DENND2B: variants seen among roughly 807,000 people sequenced by gnomAD.
DENND2B encodes the protein DENN domain containing 2B.
DENND2B carries 32 observed loss-of-function variants against 116.0 expected under a neutral mutation model. That is an observed-to-expected ratio of 0.28 (90% CI 0.21 to 0.37). DENND2B has a LOEUF of 0.37. DENND2B is among the 10% of genes least tolerant of loss of function. DENND2B has a pLI of 1.00. For synonymous variants in DENND2B, 588 were observed against 583.9 expected (o/e 1.01, Z -0.10); for missense variants, 1,276 against 1,477.7 (o/e 0.86, Z 2.24).
At chr11:8,776,233 G>A (rs901197429) in intron 1 of DENND2B, 2 of 455,558 alleles carry the variant, frequency 4.4e-6, no homozygotes, top group Non-Finnish European at 4.4e-6. Flanking sequence ...ACATGTCCAC[G>A]TGTCCATTTC....
At chr11:8,762,319 C>A (rs1384167749) in intron 1 of DENND2B, among the ~76,000 whole-genome samples, 5 of 152,150 alleles carry the variant, frequency 3.3e-5, no homozygotes, top group African/African-American at 1.2e-4. Context: ...GTGTTCCTAC[C>A]CCAGGGCCTT....
At chr11:8,809,458 T>G (rs889992330) in intron 1 of DENND2B, 2 of 152,086 alleles carry the variant, frequency 1.3e-5, no homozygotes, top group Non-Finnish European at 2.9e-5. Flanking sequence ...ATTTAAGACA[T>G]AACATGGCTC....
chr11:8,785,153 T>A (rs1355759303), intron 1 of DENND2B: 1 of 152,154 alleles, frequency 6.6e-6, no homozygotes, highest in Non-Finnish European at 1.5e-5. Flanking sequence ...CTTTTACCCC[T>A]AGGCTTTTGG....
intron 1 of DENND2B, among the ~76,000 whole-genome samples, chr11:8,802,188 C>T (rs992195564): frequency 1.3e-5 from 2 of 151,032 alleles, no homozygotes; most frequent in Non-Finnish European, 2.9e-5. Context: ...GTAGTCCCAG[C>T]TACTTGGAAG....
intron 2 of DENND2B, chr11:8,877,300 T>A (rs1301468669): frequency 6.6e-6 from 1 of 151,800 alleles, no homozygotes; most frequent in Admixed American, 6.6e-5. Flanking sequence ...AGAAACAGGG[T>A]TTCACCATGT....
At chr11:8,776,907 G>A (rs914586711) in intron 1 of DENND2B, among the ~76,000 whole-genome samples, 12 of 152,146 alleles carry the variant, frequency 7.9e-5, no homozygotes, top group Admixed American at 2.0e-4. Context: ...CTTGACTACA[G>A]AGATGATGGG....
chr11:8,733,767 A>G (rs751217805), intron 2 of DENND2B, among the ~76,000 whole-genome samples: 16 of 152,344 alleles, frequency 1.1e-4, no homozygotes, highest in Non-Finnish European at 2.2e-4. Flanking sequence ...GCTTTCAGAA[A>G]GAGTGATTCT....
At chr11:8,858,708 G>C (rs139342167) in intron 2 of DENND2B, among the ~76,000 whole-genome samples, 2 of 152,204 alleles carry the variant, frequency 1.3e-5, no homozygotes, top group African/African-American at 2.4e-5. Context: ...GACAGGAGCA[G>C]AGGAGCCAGG....
chr11:8,826,178 T>A (rs1210647933), intron 4 of DENND2B, among the ~76,000 whole-genome samples: 1 of 152,164 alleles, frequency 6.6e-6, no homozygotes, highest in Non-Finnish European at 1.5e-5. Flanking sequence ...AAGAGACAGC[T>A]GGGCCCTGCC....
chr11:8,895,570 G>A (rs936574607), intron 1 of DENND2B: 15 of 152,086 alleles, frequency 9.9e-5, no homozygotes, highest in Non-Finnish European at 2.2e-4. Flanking sequence ...ACAGATTGGT[G>A]GCTTCCAGGG....
intron 4 of DENND2B, among the ~76,000 whole-genome samples, chr11:8,832,092 C>T (rs536636672): frequency 1.3e-5 from 2 of 152,280 alleles, no homozygotes; most frequent in East Asian, 3.9e-4. Context: ...GTCTCTCCTC[C>T]TACCCCTCAC....
At chr11:8,907,993 C>CA (rs748762417) in intron 1 of DENND2B, among the ~76,000 whole-genome samples, 11 of 152,312 alleles carry the variant, frequency 7.2e-5, no homozygotes, top group Middle Eastern at 3.4e-3. Context: ...TGAGCCACCA[C>CA]AAAGCCACCT....
At position 8,716,063 on chromosome 11, in the gene DENND2B, A is replaced by C. The variant is rs183734388; in HGVS notation, c.1630-245T>G. Among the ~76,000 whole-genome samples the C allele has an allele frequency of 2.5e-3, 377 of 152,352 alleles. 1 individual carries two copies. The highest frequency in any genetic ancestry group is 0.015 in the South Asian group (72 of 4,830). On this transcript the variant is annotated intron_variant, in intron 5 of 19. Coordinates refer to ENST00000313726, the MANE Select transcript of DENND2B (RefSeq NM_213618.2). ...CAGCAAAAAACGAAAGCAGAGGCTA[A>C]AAACACCTGTGCTCTCATCTGAGTG...
chr11:8,890,847 C>T (rs999731936), intron 1 of DENND2B, among the ~76,000 whole-genome samples: 1 of 152,108 alleles, frequency 6.6e-6, no homozygotes, highest in African/African-American at 2.4e-5. Context: ...ACTTCCCCAA[C>T]CTAGCAAGGC....
chr11:8,859,240 A>G (rs1184552068), intron 2 of DENND2B, among the ~76,000 whole-genome samples: 2 of 152,092 alleles, frequency 1.3e-5, no homozygotes, highest in Non-Finnish European at 2.9e-5. Flanking sequence ...CCTCAGTTGT[A>G]TTGTATATCT....
chr11:8,765,714 A>G (rs2055595956), intron 1 of DENND2B, among the ~76,000 whole-genome samples: 1 of 151,714 alleles, frequency 6.6e-6, no homozygotes, highest in African/African-American at 2.4e-5. Context: ...ATGGCTACTC[A>G]GTTGTTAGGA....
chr11:8,718,610 C>T, intron 4 of DENND2B: 1 of 1,341,068 alleles, frequency 7.5e-7, no homozygotes, highest in Non-Finnish European at 9.5e-7. Context: ...ATCAACACTC[C>T]CCTTTTGGAA....
intron 2 of DENND2B, among the ~76,000 whole-genome samples, chr11:8,858,602 T>C (rs952271328): frequency 2.6e-5 from 4 of 152,184 alleles, no homozygotes; most frequent in Non-Finnish European, 5.9e-5. Context: ...AAGAACTTGG[T>C]AGTAAATGTG....
intron 1 of DENND2B, among the ~76,000 whole-genome samples, chr11:8,902,299 G>A (rs1381487437): frequency 6.7e-6 from 1 of 148,564 alleles, no homozygotes; most frequent in Non-Finnish European, 1.5e-5. Context: ...GCACTCCAGT[G>A]TAGGTGACAG....
Sources: gnomAD v4.1 joint callset for allele counts (sites outside exome capture counted in the v4.1 genomes callset) on GRCh38, gnomAD v4.1.1 for gene constraint, MANE v1.5 for transcripts, NCBI Gene and HGNC (gene_info 2026-07-23, HGNC 2026-07-21) for gene names.